The following CLNK variants were observed in gnomAD, a reference collection of about 807,000 sequenced individuals.
The protein encoded by CLNK is cytokine dependent hematopoietic cell linker, also known as cytokine-dependent hematopoietic cell linker.
CLNK carries 74 observed loss-of-function variants against 68.6 expected under a neutral mutation model. That is an observed-to-expected ratio of 1.08 (90% CI 0.89 to 1.31). CLNK has a LOEUF of 1.31. Among genes scored for constraint, CLNK ranks in the 50% most tolerant of loss-of-function variants. The probability of loss-of-function intolerance (pLI) is 0.00; values close to 1 mark genes in which losing one functional copy is unlikely to be tolerated. For synonymous variants in CLNK, 198 were observed against 172.2 expected, an observed-to-expected ratio of 1.15 and a Z score of -1.17; for missense variants, 553 against 515.3, an observed-to-expected ratio of 1.07 and a Z score of -0.71.
chr4:10,658,104 C>A (rs1278354334), intron 2 of CLNK, among the ~76,000 whole-genome samples: 1 of 152,254 alleles, frequency 6.6e-6, no homozygotes, highest in East Asian at 1.9e-4. Context: ...CTAATGCCAC[C>A]ACACCCCTTC....
chr4:10,602,370 A>T (rs1340930102), intron 2 of CLNK, among the ~76,000 whole-genome samples: 1 of 152,222 alleles, frequency 6.6e-6, no homozygotes, highest in East Asian at 1.9e-4. Flanking sequence ...CGTCTTTAGC[A>T]ATGTAACTAA....
chr4:10,706,032 A>G, the CLNK span, among the ~76,000 whole-genome samples: 2 of 152,248 alleles, frequency 1.3e-5, no homozygotes, highest in Non-Finnish European at 2.9e-5. Flanking sequence ...CTGTCTGAAG[A>G]CAGAACAAAT....
At chr4:10,607,307 C>A (rs902957423) in intron 2 of CLNK, among the ~76,000 whole-genome samples, 4 of 152,178 alleles carry the variant, frequency 2.6e-5, no homozygotes, top group Non-Finnish European at 5.9e-5. Flanking sequence ...TCTTTTCCCC[C>A]ACCTGAGTCA....
At chr4:10,680,816 A>T (rs184973009) in intron 1 of CLNK, among the ~76,000 whole-genome samples, 4 of 152,262 alleles carry the variant, frequency 2.6e-5, no homozygotes, top group African/African-American at 7.2e-5. Context: ...CTGATTTCAA[A>T]CCCACACTAT....
chr4:10,707,993 C>A, the CLNK span, among the ~76,000 whole-genome samples: 2 of 152,142 alleles, frequency 1.3e-5, no homozygotes, highest in African/African-American at 4.8e-5. Flanking sequence ...GATACTTGCA[C>A]TGAGCGCTGA....
chr4:10,706,336 TG>T, the CLNK span, among the ~76,000 whole-genome samples: 3 of 152,264 alleles, frequency 2.0e-5, no homozygotes, highest in Non-Finnish European at 4.4e-5. Flanking sequence ...AGGGATTTAT[TG>T]GGGGAAATTT....
intron 2 of CLNK, among the ~76,000 whole-genome samples, chr4:10,650,936 C>A (rs907042127): frequency 1.3e-5 from 2 of 151,988 alleles, no homozygotes; most frequent in East Asian, 3.9e-4. Context: ...ATGCGGTCAA[C>A]AAACATGAAA....
chr4:10,672,723 C>T (rs527985628), intron 1 of CLNK, among the ~76,000 whole-genome samples: 2 of 152,080 alleles, frequency 1.3e-5, no homozygotes, highest in African/African-American at 4.8e-5. Context: ...GGGAAAAGCC[C>T]AGGTATGGAC....
At chr4:10,535,932 A>G (rs1300944319) in intron 11 of CLNK, among the ~76,000 whole-genome samples, 2 of 152,250 alleles carry the variant, frequency 1.3e-5, no homozygotes, top group African/African-American at 4.8e-5. Context: ...TCCAACCAAC[A>G]TTCTCCAAAC....
At chr4:10,708,310 A>G in the CLNK span, among the ~76,000 whole-genome samples, 2 of 152,158 alleles carry the variant, frequency 1.3e-5, no homozygotes, top group African/African-American at 4.8e-5. Flanking sequence ...AATATTTATT[A>G]TTTCTAGATA....
the CLNK span, among the ~76,000 whole-genome samples, chr4:10,716,692 T>A: frequency 6.6e-6 from 1 of 150,906 alleles, no homozygotes; most frequent in African/African-American, 2.4e-5. Context: ...AAAACTTTTT[T>A]TTTTTTTTTT....
intron 16 of CLNK, among the ~76,000 whole-genome samples, chr4:10,509,906 T>C (rs1267759774): frequency 1.3e-5 from 2 of 152,166 alleles, no homozygotes; most frequent in African/African-American, 4.8e-5. Context: ...GAACCGGCTC[T>C]GCCTCACTCC....
chr4:10,603,349 A>T (rs55919586), intron 2 of CLNK, among the ~76,000 whole-genome samples: 12,986 of 152,284 alleles, frequency 0.085, 870 homozygotes, highest in Admixed American at 0.21. Flanking sequence ...AGAAATTTAT[A>T]TAAGATTTTC....
chr4:10,598,132 A>G (rs1560235037), intron 2 of CLNK, 83 bp from the exon 3 acceptor site: 11 of 858,902 alleles, frequency 1.3e-5, no homozygotes, highest in Non-Finnish European at 1.8e-5. Flanking sequence ...ATTCATAGAA[A>G]GAGCCACCCA....
intron 3 of CLNK, among the ~76,000 whole-genome samples, chr4:10,597,485 G>A (rs529163783): frequency 2.0e-5 from 3 of 152,252 alleles, no homozygotes; most frequent in Admixed American, 6.5e-5. Context: ...GTCTTTTGTT[G>A]CTGCATTTTC....
intron 2 of CLNK, among the ~76,000 whole-genome samples, chr4:10,632,912 C>T (rs1213579452): frequency 4.6e-5 from 7 of 152,156 alleles, no homozygotes; most frequent in Admixed American, 4.6e-4. Flanking sequence ...ATAACAGAAG[C>T]ATTTTATCTT....
chr4:10,590,227 T>C (rs1284085772), intron 3 of CLNK, among the ~76,000 whole-genome samples: 2 of 152,248 alleles, frequency 1.3e-5, no homozygotes, highest in Non-Finnish European at 2.9e-5. Context: ...TACTTTTGAA[T>C]AATTTAATAC....
rs554626242 is a variant in CLNK at position 10,501,881 on chromosome 4, C to T, written c.985-470G>A. ...GGCAGAGATTGCAGTGAGCCAAGAT[C>T]GTGCCACTGCACTTCAGCCTGGGCA... On this transcript the variant is annotated intron_variant, in intron 17 of 18. Coordinates refer to ENST00000226951, the MANE Select transcript of CLNK (RefSeq NM_052964.4). Among the ~76,000 whole-genome samples the T allele has an allele frequency of 2.6e-5, 4 of 152,318 alleles. No individual in the cohort carries two copies. In the East Asian group the frequency reaches 5.8e-4, roughly 22 times the overall value.
chr4:10,608,335 GC>G (rs1721865636), intron 2 of CLNK, among the ~76,000 whole-genome samples: 1 of 152,172 alleles, frequency 6.6e-6, no homozygotes, highest in Admixed American at 6.5e-5. Context: ...GGCCTGCTAG[GC>G]CCATTCCCTC....
Sources: gnomAD v4.1 joint callset for allele counts (sites outside exome capture counted in the v4.1 genomes callset) on GRCh38, gnomAD v4.1.1 for gene constraint, MANE v1.5 for transcripts, NCBI Gene and HGNC (gene_info 2026-07-23, HGNC 2026-07-21) for gene names.